The following DIAPH3 variants were observed in gnomAD, a reference collection of about 807,000 sequenced individuals.
DIAPH3 encodes diaphanous related formin 3, also known as protein diaphanous homolog 3.
A neutral mutation model predicts 144.3 loss-of-function variants in DIAPH3; 117 were observed. The observed-to-expected ratio is 0.81, with a 90% confidence interval of 0.70 to 0.95. The LOEUF (loss-of-function observed/expected upper bound fraction) is 0.95. Among genes scored for constraint, DIAPH3 ranks in the 40% least tolerant of loss-of-function variants. The pLI is 0.00. For synonymous variants in DIAPH3, 519 were observed against 488.9 expected, an observed-to-expected ratio of 1.06 and a Z score of -0.81; for missense variants, 1,421 against 1,412.7, an observed-to-expected ratio of 1.01 and a Z score of -0.09.
chr13:59,922,942 A>G (rs2047585307), intron 18 of DIAPH3, among the ~76,000 whole-genome samples: 1 of 152,134 alleles, frequency 6.6e-6, no homozygotes, highest in Non-Finnish European at 1.5e-5. Context: ...TCTTATTGAA[A>G]TCACTTAACT....
intron 25 of DIAPH3, among the ~76,000 whole-genome samples, chr13:59,778,697 TC>T (rs2038558013): frequency 6.6e-6 from 1 of 152,218 alleles, no homozygotes; most frequent in Admixed American, 6.5e-5. Context: ...AATCTGCTGT[TC>T]CTTTTCTAAC....
At chr13:59,830,904 C>T (rs1033459893) in intron 24 of DIAPH3, among the ~76,000 whole-genome samples, 1 of 151,802 alleles carries the variant, frequency 6.6e-6, no homozygotes, top group South Asian at 2.1e-4. Flanking sequence ...CATTTGGAAA[C>T]CCTCCAAACG....
At chr13:59,755,776 T>C (rs1483301445) in intron 27 of DIAPH3, among the ~76,000 whole-genome samples, 1 of 152,120 alleles carries the variant, frequency 6.6e-6, no homozygotes, top group Non-Finnish European at 1.5e-5. Context: ...ATTGGAGCCA[T>C]TAGAAAAACT....
intron 17 of DIAPH3, among the ~76,000 whole-genome samples, chr13:59,939,852 G>A (rs1234027350): frequency 6.6e-6 from 1 of 151,674 alleles, no homozygotes; most frequent in Non-Finnish European, 1.5e-5. Context: ...GTGTGTGTGT[G>A]TGTGTGTGTG....
intron 25 of DIAPH3, among the ~76,000 whole-genome samples, chr13:59,794,780 A>T (rs2039505052): frequency 6.6e-6 from 1 of 152,198 alleles, no homozygotes; most frequent in African/African-American, 2.4e-5. Context: ...AAGTGCTGGG[A>T]TTACAGGAAC....
chr13:60,008,518 A>T (rs1414361422), intron 9 of DIAPH3, 26 bp downstream of exon 9: 2 of 1,506,316 alleles, frequency 1.3e-6, no homozygotes, highest in African/African-American at 2.8e-5. Context: ...ATTTAAAAAC[A>T]GATTTTATAT....
chr13:59,941,373 T>C (rs1411253195), intron 17 of DIAPH3, among the ~76,000 whole-genome samples: 2 of 152,156 alleles, frequency 1.3e-5, no homozygotes, highest in Middle Eastern at 3.2e-3. Context: ...AGAATTCATA[T>C]ACACCTCTGG....
chr13:59,874,619 T>G (rs2044494885), intron 21 of DIAPH3, among the ~76,000 whole-genome samples: 1 of 152,186 alleles, frequency 6.6e-6, no homozygotes, highest in African/African-American at 2.4e-5. Context: ...TCATTAGATA[T>G]TCTACTGCCA....
chr13:59,980,947 A>G lies in DIAPH3; in HGVS notation c.1481-88T>C, dbSNP rs1351970961. The stretch of plus-strand genomic sequence containing the variant: ...AGTTTAGAAAGAAAAAAGATCATAG[A>G]AAATAATTAAATACTGATACTACCA... On this transcript the variant is annotated intron_variant, in intron 13 of 27. Transcript: ENST00000400324. 9.1e-6 allele frequency: 10 copies of G among 1,096,702 alleles called. No individual in the cohort carries two copies. In the South Asian group the frequency reaches 9.3e-5, roughly 10 times the overall value. The allele number at this position is 1,096,702 out of a possible 1,614,324, so 67.9% of individuals were successfully genotyped here. A position where few individuals can be genotyped will look rare whatever the true frequency, so the allele number is the denominator to read the frequency against.
chr13:60,058,918 A>G (rs2056660676), intron 4 of DIAPH3, among the ~76,000 whole-genome samples: 1 of 151,938 alleles, frequency 6.6e-6, no homozygotes, highest in Non-Finnish European at 1.5e-5. Context: ...TTTGGGTACA[A>G]TGTACACTAC....
intron 20 of DIAPH3, among the ~76,000 whole-genome samples, chr13:59,883,358 T>C (rs2045213735): frequency 6.6e-6 from 1 of 152,216 alleles, no homozygotes; most frequent in Non-Finnish European, 1.5e-5. Context: ...TTATACATTT[T>C]CTTTTATAAA....
chr13:60,025,420 A>AAAC (rs2054311257), intron 5 of DIAPH3, among the ~76,000 whole-genome samples: 1 of 151,606 alleles, frequency 6.6e-6, no homozygotes, highest in Non-Finnish European at 1.5e-5. Flanking sequence ...AAAAAAAAAA[A>AAAC]AGGAAATAGT....
chr13:60,156,408 T>C (rs1952022009), intron 1 of DIAPH3, among the ~76,000 whole-genome samples: 1 of 152,150 alleles, frequency 6.6e-6, no homozygotes, highest in African/African-American at 2.4e-5. Flanking sequence ...AAGGGCCAGA[T>C]GGCTAAATCT....
At chr13:60,109,796 T>A (rs1472648168) in intron 3 of DIAPH3, among the ~76,000 whole-genome samples, 1 of 152,200 alleles carries the variant, frequency 6.6e-6, no homozygotes, top group African/African-American at 2.4e-5. Context: ...TACAGGTATC[T>A]AAGAGTTCAG....
chr13:60,162,842 C>T (rs533179401), intron 1 of DIAPH3, among the ~76,000 whole-genome samples: 3 of 151,280 alleles, frequency 2.0e-5, no homozygotes, highest in Non-Finnish European at 4.4e-5. Flanking sequence ...CACACACACA[C>T]ACAGTTTTTC....
At chr13:59,819,844 T>C (rs1165993456) in intron 24 of DIAPH3, among the ~76,000 whole-genome samples, 2 of 151,866 alleles carry the variant, frequency 1.3e-5, no homozygotes, top group Non-Finnish European at 2.9e-5. Flanking sequence ...TGAAATCATA[T>C]TGTTTGGTTT....
At chr13:59,996,542 A>G (rs989407505) in intron 9 of DIAPH3, among the ~76,000 whole-genome samples, 5 of 152,048 alleles carry the variant, frequency 3.3e-5, no homozygotes, top group African/African-American at 1.2e-4. Flanking sequence ...GCAGCAGTAA[A>G]CTAAAAGTAT....
intron 25 of DIAPH3, among the ~76,000 whole-genome samples, chr13:59,792,797 A>G (rs577503919): frequency 1.3e-5 from 2 of 151,934 alleles, no homozygotes; most frequent in East Asian, 3.9e-4. Context: ...TCATTCTCCT[A>G]CTTTTTCAGA....
chr13:59,975,593 C>A (rs2048635), intron 14 of DIAPH3, among the ~76,000 whole-genome samples: 27,713 of 151,862 alleles, frequency 0.18, 3,188 homozygotes, highest in South Asian at 0.27. Flanking sequence ...TTTCCACATA[C>A]CCCCAACCCT....
Sources: gnomAD v4.1 joint callset for allele counts (sites outside exome capture counted in the v4.1 genomes callset) on GRCh38, gnomAD v4.1.1 for gene constraint, MANE v1.5 for transcripts, NCBI Gene and HGNC (gene_info 2026-07-23, HGNC 2026-07-21) for gene names.